GPR89B: variants seen among roughly 807,000 people sequenced by gnomAD.
GPR89B encodes the protein golgi pH regulator B.
Under a neutral mutation model 52.4 loss-of-function variants are expected in GPR89B, and 25 were observed. The observed-to-expected ratio is 0.48, with a 90% CI of 0.35 to 0.67. GPR89B has a LOEUF of 0.67. Ranked by LOEUF, GPR89B falls within the 30% of genes least tolerant of loss-of-function variation. The pLI is 0.01. For synonymous variants in GPR89B, 52 were observed against 151.2 expected (o/e 0.34, Z 4.81); for missense variants, 146 against 450.2 (o/e 0.32, Z 6.11).
At chr1:148,021,203 T>C in the GPR89B span, among the ~76,000 whole-genome samples, 1 of 151,170 alleles carries the variant, frequency 6.6e-6, no homozygotes, top group Non-Finnish European at 1.5e-5. Context: ...GGAGTGCGGC[T>C]CAAGAAATGA....
At chr1:147,960,189 T>C (rs1173304332) in intron 7 of GPR89B, among the ~76,000 whole-genome samples, 1 of 151,958 alleles carries the variant, frequency 6.6e-6, no homozygotes, top group Admixed American at 6.6e-5. Flanking sequence ...GCCAAAAAAA[T>C]TAACAATTCT....
the GPR89B span, among the ~76,000 whole-genome samples, chr1:148,000,136 T>C: frequency 6.6e-6 from 1 of 152,060 alleles, no homozygotes; most frequent in Non-Finnish European, 1.5e-5. Flanking sequence ...GTATAGTACA[T>C]CTGAAATTTA....
intron 7 of GPR89B, among the ~76,000 whole-genome samples, chr1:147,957,603 A>T (rs1288511104): frequency 6.6e-6 from 1 of 151,876 alleles, no homozygotes; most frequent in Non-Finnish European, 1.5e-5. Flanking sequence ...TCTTACCTTC[A>T]TGAAGCTTAT....
the GPR89B span, among the ~76,000 whole-genome samples, chr1:148,016,861 T>A: frequency 6.6e-6 from 1 of 150,934 alleles, no homozygotes; most frequent in African/African-American, 2.5e-5. Flanking sequence ...TAAAAAAAAA[T>A]CTTTTGTCTG....
chr1:147,970,312 A>G (rs1391962811), intron 10 of GPR89B, among the ~76,000 whole-genome samples: 2 of 152,060 alleles, frequency 1.3e-5, no homozygotes, highest in Non-Finnish European at 2.9e-5. Flanking sequence ...CCTGGCCAAC[A>G]TGGTGAAACC....
chr1:147,973,086 G>A (rs1657590173), intron 10 of GPR89B, among the ~76,000 whole-genome samples: 1 of 151,746 alleles, frequency 6.6e-6, no homozygotes. Flanking sequence ...TTGATTCTAT[G>A]TCTTTGCTAT....
downstream of GPR89B, chr1:147,995,681 A>G (rs1659299660): frequency 3.1e-6 from 5 of 1,609,436 alleles, no homozygotes; most frequent in Non-Finnish European, 4.2e-6. Context: ...TGGATCAGCC[A>G]GGGAGGAAAC....
chr1:147,947,193 G>T (rs1553249933), intron 5 of GPR89B, among the ~76,000 whole-genome samples: 1 of 152,094 alleles, frequency 6.6e-6, no homozygotes, highest in Non-Finnish European at 1.5e-5. Context: ...AAATTAGCCA[G>T]GCATGGTGGT....
At chr1:148,003,636 C>T in the GPR89B span, among the ~76,000 whole-genome samples, 2 of 151,864 alleles carry the variant, frequency 1.3e-5, no homozygotes, top group Admixed American at 1.3e-4. Flanking sequence ...ACATCAGACC[C>T]TCATGTGACA....
At chr1:147,994,204 C>T, downstream of GPR89B, 1 of 1,582,434 alleles carries the variant, frequency 6.3e-7, no homozygotes, top group South Asian at 1.1e-5. Flanking sequence ...TCTAAAGAGA[C>T]AGTAAACAGG....
At chr1:148,014,153 G>T in the GPR89B span, among the ~76,000 whole-genome samples, 2 of 151,256 alleles carry the variant, frequency 1.3e-5, no homozygotes, top group Non-Finnish European at 2.9e-5. Flanking sequence ...TTCCACGCTG[G>T]GTGGACGCTG....
chr1:148,003,582 C>G, the GPR89B span, among the ~76,000 whole-genome samples: 1 of 152,152 alleles, frequency 6.6e-6, no homozygotes, highest in Non-Finnish European at 1.5e-5. Flanking sequence ...GCCCAGATCC[C>G]AAATTCTGCC....
chr1:147,954,413 A>G lies in GPR89B; in HGVS notation c.617+11A>G. 3.5e-6 allele frequency: 1 copy of G among 286,064 alleles called. No homozygotes were observed. The highest frequency in any genetic ancestry group is 5.4e-5 in the Admixed American group (1 of 18,690). The allele number at this position is 286,064 out of a possible 1,614,324, so 17.7% of individuals were successfully genotyped here. A position where few individuals can be genotyped will look rare whatever the true frequency, so the allele number is the denominator to read the frequency against. The stretch of plus-strand genomic sequence containing the variant: ...AAGCAAAAAGAAAAGGTAAGATATC[A>G]ACACTGTAATACATTTGGACTCTTA... On this transcript the variant is annotated intron_variant, in intron 7 of 13. Transcript: ENST00000314163.
At chr1:148,023,300 C>G in the GPR89B span, among the ~76,000 whole-genome samples, 1 of 146,300 alleles carries the variant, frequency 6.8e-6, no homozygotes, top group Non-Finnish European at 1.5e-5. Flanking sequence ...GTGCAGTATT[C>G]CATGTTGTGT....
intron 7 of GPR89B, among the ~76,000 whole-genome samples, chr1:147,958,739 CATACT>C (rs1294898111): frequency 6.6e-6 from 1 of 151,918 alleles, no homozygotes; most frequent in African/African-American, 2.4e-5. Flanking sequence ...CTGATCTGTA[CATACT>C]ATAGCCCATT....
the GPR89B span, among the ~76,000 whole-genome samples, chr1:148,007,097 A>G: frequency 7.3e-6 from 1 of 136,252 alleles, no homozygotes; most frequent in Admixed American, 7.5e-5. Flanking sequence ...TTTTTTTGAG[A>G]CGGAGTCTTG....
At chr1:148,019,180 T>C in the GPR89B span, among the ~76,000 whole-genome samples, 1 of 151,242 alleles carries the variant, frequency 6.6e-6, no homozygotes, top group South Asian at 2.1e-4. Context: ...TTTCACCATA[T>C]TGGCCAGGCT....
chr1:148,010,005 A>T, the GPR89B span: 1 of 188,316 alleles, frequency 5.3e-6, no homozygotes, highest in Middle Eastern at 2.3e-3. Flanking sequence ...TGACAATTCC[A>T]TTACTGAACC....
chr1:147,969,203 T>C, intron 9 of GPR89B: 1 of 467,650 alleles, frequency 2.1e-6, no homozygotes, highest in Admixed American at 3.8e-5. Flanking sequence ...GAAGAGGCTT[T>C]TCAACATTTA....
Sources: allele counts gnomAD v4.1 joint callset (sites outside exome capture counted in the v4.1 genomes callset), GRCh38; gene constraint gnomAD v4.1.1; transcripts MANE v1.5; gene names NCBI Gene and HGNC (gene_info 2026-07-23, HGNC 2026-07-21).